Variants in GXYLT1 observed in about 807,000 individuals in gnomAD.
GXYLT1 encodes glucoside xylosyltransferase 1, also known as glycosyltransferase 8 domain containing 3.
GXYLT1 carries 29 observed loss-of-function variants against 54.0 expected under a neutral mutation model. That is an observed-to-expected ratio of 0.54 (90% CI 0.40 to 0.73). The LOEUF (loss-of-function observed/expected upper bound fraction) is 0.73. Among genes scored for constraint, GXYLT1 ranks in the 30% least tolerant of loss-of-function variants. GXYLT1 has a pLI of 0.00. For synonymous variants in GXYLT1, 176 were observed against 204.1 expected, an observed-to-expected ratio of 0.86 and a Z score of 1.17; for missense variants, 490 against 553.4, an observed-to-expected ratio of 0.89 and a Z score of 1.15.
intron 1 of GXYLT1, among the ~76,000 whole-genome samples, chr12:42,131,189 T>C (rs570215277): frequency 6.6e-6 from 1 of 152,310 alleles, no homozygotes; most frequent in South Asian, 2.1e-4. Context: ...CTTTTCAAAA[T>C]AATAGTCTAA....
chr12:42,102,951 ATTTT>A (rs200165538), intron 5 of GXYLT1, among the ~76,000 whole-genome samples: 5 of 149,882 alleles, frequency 3.3e-5, no homozygotes, highest in East Asian at 1.9e-4. Flanking sequence ...AAATTTTTTA[ATTTT>A]TTTTTTCTTT....
intron 5 of GXYLT1, among the ~76,000 whole-genome samples, chr12:42,100,770 A>G (rs1403798445): frequency 1.3e-5 from 2 of 152,112 alleles, no homozygotes; most frequent in African/African-American, 4.8e-5. Flanking sequence ...TAGGATCTGA[A>G]AAGAAAAATA....
intron 2 of GXYLT1, among the ~76,000 whole-genome samples, chr12:42,122,298 A>C (rs934871065): frequency 6.6e-6 from 1 of 152,168 alleles, no homozygotes; most frequent in African/African-American, 2.4e-5. Flanking sequence ...AAATTTACAA[A>C]GTGAACCCTG....
intron 1 of GXYLT1, 66 bp downstream of exon 1, chr12:42,144,360 G>A: frequency 2.7e-6 from 3 of 1,103,300 alleles, no homozygotes; most frequent in Non-Finnish European, 2.4e-6. Context: ...AGCAGCCCGG[G>A]CTAGGCCGAG....
intron 2 of GXYLT1, among the ~76,000 whole-genome samples, chr12:42,122,787 C>T (rs911624942): frequency 6.6e-6 from 1 of 152,004 alleles, no homozygotes; most frequent in African/African-American, 2.4e-5. Context: ...GCTAAAACTA[C>T]GTACTAACAA....
chr12:42,139,920 G>A (rs1353275680), intron 1 of GXYLT1, among the ~76,000 whole-genome samples: 1 of 152,088 alleles, frequency 6.6e-6, no homozygotes, highest in Non-Finnish European at 1.5e-5. Context: ...GGTGGCTAAT[G>A]CCTGTAATCC....
chr12:42,090,774 G>A (rs2065324751), intron 7 of GXYLT1, among the ~76,000 whole-genome samples: 1 of 152,164 alleles, frequency 6.6e-6, no homozygotes, highest in African/African-American at 2.4e-5. Context: ...GCAAATATAA[G>A]CAAGGTGTAA....
chr12:42,130,267 G>A (rs941484925), intron 1 of GXYLT1, among the ~76,000 whole-genome samples: 9 of 152,120 alleles, frequency 5.9e-5, no homozygotes, highest in African/African-American at 2.2e-4. Flanking sequence ...GGCAGAAAGG[G>A]AAAAGAAGAT....
rs1022167252 is a variant in GXYLT1 at position 42,113,639 on chromosome 12, T to C, written c.487-3948A>G. ...GCACCCAGATTCATAAAGCAAGTCCTTAGTGACCTACAAAGAGACTTAGAC... is the reference window on the plus strand; with the variant it reads ...GCACCCAGATTCATAAAGCAAGTCCCTAGTGACCTACAAAGAGACTTAGAC... On this transcript the variant is annotated intron_variant, in intron 3 of 7. Coordinates refer to ENST00000398675, the MANE Select transcript of GXYLT1 (RefSeq NM_173601.2). Among the ~76,000 whole-genome samples the C allele has an allele frequency of 4.7e-4, 71 of 150,956 alleles. 1 individual carries two copies. The highest frequency in any genetic ancestry group is 3.1e-4 in the Non-Finnish European group (21 of 68,008).
At chr12:42,124,748 G>A (rs1172059933) in intron 2 of GXYLT1, among the ~76,000 whole-genome samples, 2 of 152,152 alleles carry the variant, frequency 1.3e-5, no homozygotes, top group Admixed American at 1.3e-4. Flanking sequence ...CACTGGGGTA[G>A]GCAAGAAAGC....
chr12:42,118,984 T>C lies in GXYLT1; in HGVS notation c.486+16A>G. 1 of 1,501,944 alleles carries C rather than the reference T, an allele frequency of 6.7e-7. No homozygotes were observed. Among genetic ancestry groups the C allele is most frequent in the South Asian group, 1.3e-5 (1 of 79,404 alleles). 93.0% of individuals were successfully genotyped at this position (1,501,944 alleles called of 1,614,324 possible). On this transcript the variant is annotated intron_variant, in intron 3 of 7. Coordinates refer to ENST00000398675, the MANE Select transcript of GXYLT1 (RefSeq NM_173601.2). ...ATATTCAACTCTACAACCTTGACTATGTCTCAAATACTTACTCTGCCTTTA... is the reference window on the plus strand; with the variant it reads ...ATATTCAACTCTACAACCTTGACTACGTCTCAAATACTTACTCTGCCTTTA...
At chr12:42,119,947 C>T (rs940713287) in intron 2 of GXYLT1, among the ~76,000 whole-genome samples, 3 of 152,122 alleles carry the variant, frequency 2.0e-5, no homozygotes, top group African/African-American at 7.2e-5. Flanking sequence ...ACAGAACACA[C>T]AAAAAATGAC....
At position 42,089,758 on chromosome 12, in the gene GXYLT1, C is replaced by T. The variant is rs2065318973; in HGVS notation, c.1162-1811G>A. On this transcript the variant is annotated intron_variant, in intron 7 of 7. Transcript: ENST00000398675. The stretch of plus-strand genomic sequence containing the variant: ...TCAAAAATCCTGTTGAAGGACGAAG[C>T]TCAATGAATGGTGGAAATCTGGGGA... Among the ~76,000 whole-genome samples, 4 of 152,256 alleles carry T rather than the reference C, an allele frequency of 2.6e-5. No homozygotes were observed. The South Asian group carries it at 8.3e-4, about 32-fold the overall frequency.
rs372400939 is a variant in GXYLT1 at position 42,132,471 on chromosome 12, G to A, written c.222-2620C>T. Among the ~76,000 whole-genome samples, 22 of 152,224 alleles carry A rather than the reference G, an allele frequency of 1.4e-4. No individual in the cohort carries two copies. In the East Asian group the frequency reaches 2.9e-3, roughly 20 times the overall value. The stretch of plus-strand genomic sequence containing the variant: ...CAATCAATACATTTTATTAAGTACC[G>A]TTTAGAAAATTTTTTAAAGCCTAAG... On this transcript the variant is annotated intron_variant, in intron 1 of 7. Transcript: ENST00000398675.
Position 42,103,266 on chromosome 12 carries a change from A to T in GXYLT1, c.864+2552T>A, listed in dbSNP as rs145691251. 3.3e-3 allele frequency among the ~76,000 whole-genome samples: 495 copies of T among 152,244 alleles called. 1 individual carries two copies. The highest frequency in any genetic ancestry group is 0.011 in the African/African-American group (460 of 41,550). ...GAGCCACCACACCTGGACCTATTTT[A>T]ACTTTTTAATATACATAACTATAAT... On this transcript the variant is annotated intron_variant, in intron 5 of 7. Coordinates refer to ENST00000398675, the MANE Select transcript of GXYLT1 (RefSeq NM_173601.2).
rs1056860636 is a variant in GXYLT1 at position 42,128,135 on chromosome 12, A to G, written c.314+1624T>C. Among the ~76,000 whole-genome samples, 3 of 152,364 alleles carry G rather than the reference A, an allele frequency of 2.0e-5. No individual in the cohort carries two copies. In the East Asian group the frequency reaches 5.8e-4, roughly 29 times the overall value. On this transcript the variant is annotated intron_variant, in intron 2 of 7. Coordinates refer to ENST00000398675, the MANE Select transcript of GXYLT1 (RefSeq NM_173601.2). The stretch of plus-strand genomic sequence containing the variant: ...AGTATGTGATGGAAAGATGTTGACC[A>G]AAGAATACAATACAAACTTCCAGTC...
chr12:42,142,624 G>A lies in GXYLT1; in HGVS notation c.221+1802C>T, dbSNP rs1224907143. Among the ~76,000 whole-genome samples the A allele has an allele frequency of 3.9e-5, 6 of 152,084 alleles. No homozygotes were observed. The East Asian group carries it at 5.8e-4, about 15-fold the overall frequency. ...CTCCCCAAATTCTGGGATTACAGGC[G>A]TGAGCTACCGAGCGTTGCCAAAAGT... is the stretch of plus-strand genomic sequence containing the variant. On this transcript the variant is annotated intron_variant, in intron 1 of 7. Coordinates refer to ENST00000398675, the MANE Select transcript of GXYLT1 (RefSeq NM_173601.2).
chr12:42,127,677 A>G (rs2065571507), intron 2 of GXYLT1, among the ~76,000 whole-genome samples: 1 of 152,230 alleles, frequency 6.6e-6, no homozygotes, highest in South Asian at 2.1e-4. Context: ...TCTGGGTTGT[A>G]TAAATCAGAG....
chr12:42,135,033 G>A (rs1473204466), intron 1 of GXYLT1, among the ~76,000 whole-genome samples: 1 of 152,172 alleles, frequency 6.6e-6, no homozygotes, highest in African/African-American at 2.4e-5. Context: ...CATGGGCCTT[G>A]CCTGCCTGAT....
Sources: gnomAD v4.1 joint callset for allele counts (sites outside exome capture counted in the v4.1 genomes callset) on GRCh38, gnomAD v4.1.1 for gene constraint, MANE v1.5 for transcripts, NCBI Gene and HGNC (gene_info 2026-07-23, HGNC 2026-07-21) for gene names.